SRPK2: variants seen among roughly 807,000 people sequenced by gnomAD.
SRPK2 encodes the protein SFRS protein kinase 2.
In SRPK2, 21 loss-of-function variants were observed where a neutral mutation model predicts 90.8. That is an observed-to-expected ratio of 0.23 (90% CI 0.16 to 0.33). SRPK2 has a LOEUF of 0.33. Among genes scored for constraint, SRPK2 ranks in the 10% least tolerant of loss-of-function variants. The pLI is 1.00. For missense variants in SRPK2, 620 were observed against 869.0 expected, an observed-to-expected ratio of 0.71 and a Z score of 3.60; for synonymous variants, 288 against 311.1, an observed-to-expected ratio of 0.93 and a Z score of 0.78.
chr7:105,238,890 G>C lies in SRPK2; in HGVS notation c.72-35105C>G, dbSNP rs191327454. Among the ~76,000 whole-genome samples, 72 of 152,072 alleles carry C rather than the reference G, an allele frequency of 4.7e-4. 1 individual carries two copies. Among genetic ancestry groups the C allele is most frequent in the African/African-American group, 1.7e-3 (71 of 41,486 alleles). On this transcript the variant is annotated intron_variant, in intron 2 of 15. Coordinates refer to ENST00000393651, the MANE Select transcript of SRPK2 (RefSeq NM_182692.3). ...ACCACTTTGGAGCACACTCTTCTAA[G>C]CTTTCTTCCAAAATGGACAACTTGA...
intron 2 of SRPK2, among the ~76,000 whole-genome samples, chr7:105,383,001 C>G (rs555088171): frequency 6.8e-6 from 1 of 147,270 alleles, no homozygotes; most frequent in Non-Finnish European, 1.5e-5. Context: ...ACAAAGAACT[C>G]TGTACCACTT....
intron 2 of SRPK2, among the ~76,000 whole-genome samples, chr7:105,376,359 C>G (rs1227259913): frequency 1.3e-5 from 2 of 151,110 alleles, no homozygotes; most frequent in Non-Finnish European, 3.0e-5. Flanking sequence ...TTCTTCATCT[C>G]AGAGCAAAGA....
intron 2 of SRPK2, among the ~76,000 whole-genome samples, chr7:105,299,385 T>A (rs1810248897): frequency 6.6e-6 from 1 of 152,246 alleles, no homozygotes; most frequent in Admixed American, 6.5e-5. Context: ...ATATCCTTTA[T>A]CTTCTCATTT....
At chr7:105,298,804 G>C (rs1810176775) in intron 2 of SRPK2, 3 of 985,488 alleles carry the variant, frequency 3.0e-6, no homozygotes, top group Admixed American at 6.2e-5. Context: ...GCTGTAAGGA[G>C]GGCTTCACGC....
chr7:105,139,361 C>T (rs1485795134), intron 11 of SRPK2, among the ~76,000 whole-genome samples: 1 of 152,092 alleles, frequency 6.6e-6, no homozygotes, highest in African/African-American at 2.4e-5. Flanking sequence ...GGGACCCCTA[C>T]TTAGGAGGTA....
chr7:105,242,550 T>C (rs1482442919), intron 2 of SRPK2, among the ~76,000 whole-genome samples: 2 of 152,146 alleles, frequency 1.3e-5, no homozygotes, highest in African/African-American at 4.8e-5. Context: ...TGGAAATGTA[T>C]AAGCAAAGGC....
intron 2 of SRPK2, among the ~76,000 whole-genome samples, chr7:105,356,206 C>T (rs1817767438): frequency 2.0e-5 from 3 of 152,122 alleles, no homozygotes; most frequent in Non-Finnish European, 4.4e-5. Context: ...TAGGAGAAAG[C>T]AAGAGCCTCT....
chr7:105,266,251 T>C (rs978298780), intron 2 of SRPK2, among the ~76,000 whole-genome samples: 3 of 121,618 alleles, frequency 2.5e-5, no homozygotes, highest in African/African-American at 7.6e-5. Context: ...ATTAGGTTGT[T>C]TTGCTTTTCC....
intron 2 of SRPK2, among the ~76,000 whole-genome samples, chr7:105,333,172 C>A (rs1030134910): frequency 6.6e-6 from 1 of 151,650 alleles, no homozygotes; most frequent in Non-Finnish European, 1.5e-5. Context: ...CCAGCCTGAG[C>A]GACAGAGTGA....
intron 2 of SRPK2, chr7:105,268,658 G>C (rs1419041372): frequency 1.2e-6 from 1 of 816,156 alleles, no homozygotes; most frequent in Non-Finnish European, 1.8e-6. Flanking sequence ...AGAACAGCTT[G>C]CCCCAATACA....
chr7:105,195,778 T>C (rs1335705691), intron 3 of SRPK2, among the ~76,000 whole-genome samples: 1 of 152,202 alleles, frequency 6.6e-6, no homozygotes, highest in Non-Finnish European at 1.5e-5. Flanking sequence ...TTCTCACTTA[T>C]TATTAACGAA....
intron 2 of SRPK2, among the ~76,000 whole-genome samples, chr7:105,226,258 T>TA (rs779632697): frequency 3.3e-5 from 5 of 151,800 alleles, no homozygotes; most frequent in African/African-American, 7.3e-5. Context: ...TTTTTTTTTT[T>TA]AAAAAACGCA....
chr7:105,123,000 G>T (rs1800630229), intron 15 of SRPK2, among the ~76,000 whole-genome samples: 1 of 151,998 alleles, frequency 6.6e-6, no homozygotes, highest in South Asian at 2.1e-4. Context: ...AGTGAGGTCT[G>T]CTCCTGGCTG....
chr7:105,214,680 G>T (rs1472959796), intron 2 of SRPK2, among the ~76,000 whole-genome samples: 1 of 152,150 alleles, frequency 6.6e-6, no homozygotes, highest in Non-Finnish European at 1.5e-5. Flanking sequence ...TATGAAAACT[G>T]CAATATCTTG....
At chr7:105,298,128 A>G (rs1258611130) in intron 2 of SRPK2, among the ~76,000 whole-genome samples, 6 of 152,210 alleles carry the variant, frequency 3.9e-5, no homozygotes. Flanking sequence ...CACAACCAAA[A>G]TATAGAAGAG....
intron 2 of SRPK2, among the ~76,000 whole-genome samples, chr7:105,370,195 T>C (rs1819539812): frequency 6.6e-6 from 1 of 152,154 alleles, no homozygotes; most frequent in Non-Finnish European, 1.5e-5. Flanking sequence ...TTCTTTTAAG[T>C]AAATTATCCA....
intron 2 of SRPK2, among the ~76,000 whole-genome samples, chr7:105,303,823 T>C (rs2131295465): frequency 6.6e-6 from 1 of 152,274 alleles, no homozygotes; most frequent in South Asian, 2.1e-4. Context: ...AACACACGAA[T>C]ATGTGGCAGA....
At chr7:105,282,895 T>TAAA (rs34535552) in intron 2 of SRPK2, among the ~76,000 whole-genome samples, 1 of 148,774 alleles carries the variant, frequency 6.7e-6, no homozygotes, top group Non-Finnish European at 1.5e-5. Context: ...ACGTAACTGA[T>TAAA]AAAAAAAAAA....
intron 2 of SRPK2, among the ~76,000 whole-genome samples, chr7:105,365,898 C>T (rs1254641845): frequency 6.6e-6 from 1 of 151,458 alleles, no homozygotes; most frequent in Non-Finnish European, 1.5e-5. Flanking sequence ...GCTTTGTTGA[C>T]AGGCTGGAGT....
Sources: allele counts gnomAD v4.1 joint callset (sites outside exome capture counted in the v4.1 genomes callset), GRCh38; gene constraint gnomAD v4.1.1; transcripts MANE v1.5; gene names NCBI Gene and HGNC (gene_info 2026-07-23, HGNC 2026-07-21).